PRUNE2: variants seen among roughly 807,000 people sequenced by gnomAD.
The protein encoded by PRUNE2 is protein prune homolog 2.
In PRUNE2, 164 loss-of-function variants were observed where a neutral mutation model predicts 252.0. The observed-to-expected ratio is 0.65, with a 90% confidence interval of 0.57 to 0.74. PRUNE2 has a LOEUF of 0.74. Among genes scored for constraint, PRUNE2 ranks in the 30% least tolerant of loss-of-function variants. The pLI is 0.00. For missense variants in PRUNE2, 3,495 were observed against 3,711.0 expected (o/e 0.94, Z 1.51); for synonymous variants, 1,292 against 1,350.2 (o/e 0.96, Z 0.94).
chr9:76,750,772 C>T (rs2050541237), intron 6 of PRUNE2, among the ~76,000 whole-genome samples: 1 of 152,140 alleles, frequency 6.6e-6, no homozygotes, highest in Non-Finnish European at 1.5e-5. Flanking sequence ...GTTTGAGGCG[C>T]TTGTATGAAA....
chr9:76,681,450 TAA>T (rs3048258), intron 9 of PRUNE2, among the ~76,000 whole-genome samples: 69 of 132,756 alleles, frequency 5.2e-4, no homozygotes, highest in Admixed American at 1.1e-3. Flanking sequence ...TTACCACGAT[TAA>T]AAAAAAAAAA....
At chr9:76,651,493 A>G (rs186628593) in intron 11 of PRUNE2, among the ~76,000 whole-genome samples, 77 of 152,346 alleles carry the variant, frequency 5.1e-4, no homozygotes, top group Non-Finnish European at 8.1e-4. Context: ...GTGAATTTTA[A>G]AAATGAATAA....
rs1025798755 is a variant in PRUNE2 at position 76,758,252 on chromosome 9, G to C, written c.757-44531C>G. On this transcript the variant is annotated intron_variant, in intron 6 of 18. Transcript: ENST00000376718. Reference sequence around the variant, plus strand: ...TGAGGCTTTTGGGACCAACTGTGTAGAACTTAAATAAATGCAAACTTGGTG... The same window carrying C: ...TGAGGCTTTTGGGACCAACTGTGTACAACTTAAATAAATGCAAACTTGGTG... Among the ~76,000 whole-genome samples the C allele has an allele frequency of 2.0e-5, 3 of 152,150 alleles. No individual in the cohort carries two copies. The East Asian group carries it at 5.8e-4, about 29-fold the overall frequency.
At chr9:76,867,026 T>G (rs1307026868) in intron 1 of PRUNE2, among the ~76,000 whole-genome samples, 2 of 152,160 alleles carry the variant, frequency 1.3e-5, no homozygotes, top group African/African-American at 4.8e-5. Flanking sequence ...AACCAAATAT[T>G]TGCTGAAAGA....
In PRUNE2 at chr9:76,625,764, T is replaced by G. The variant is rs185600677; in HGVS notation, c.9150-1274A>C. Among the ~76,000 whole-genome samples the G allele has an allele frequency of 1.7e-4, 26 of 152,310 alleles. No individual in the cohort carries two copies. The East Asian group carries it at 3.3e-3, about 19-fold the overall frequency. ...GTTGCCACCTGGCAATGTGTGAGGC[T>G]CTGTCTTCTTGTTTCATACTGTAAA... On this transcript the variant is annotated intron_variant, in intron 16 of 18. Coordinates refer to ENST00000376718, the MANE Select transcript of PRUNE2 (RefSeq NM_015225.3).
rs750266567 is a variant in PRUNE2, at chr9:76,710,578, G to A, written c.1696C>T (p.His566Tyr). Residue 566 changes from histidine to tyrosine, a missense_variant, in exon 8 of 19, where the codon CAT (histidine) becomes TAT (tyrosine). Coordinates refer to ENST00000376718, the MANE Select transcript of PRUNE2 (RefSeq NM_015225.3). The stretch of plus-strand genomic sequence containing the variant: ...TGTCTCTGGACAAACTCCTCATCAT[G>A]TTCCACAAGGCTATCTTTGCCAGCC... ...SGAGKDSLVE[H>Y]DEEFVQRQDS... The A allele has an allele frequency of 2.5e-6, 4 of 1,613,682 alleles. No individual in the cohort carries two copies. Among genetic ancestry groups the A allele is most frequent in the Admixed American group, 3.3e-5 (2 of 59,966 alleles).
intron 1 of PRUNE2, among the ~76,000 whole-genome samples, chr9:76,885,845 G>GA (rs2133380431): frequency 8.2e-6 from 1 of 122,018 alleles, no homozygotes; most frequent in African/African-American, 3.1e-5. Context: ...ATTATTTAGT[G>GA]AATTTTTTTT....
chr9:76,787,515 C>A (rs1316022904), intron 6 of PRUNE2: 1 of 152,052 alleles, frequency 6.6e-6, no homozygotes, highest in Non-Finnish European at 1.5e-5. Flanking sequence ...TGTAACAAAC[C>A]TACACATTCT....
At chr9:76,624,614 T>C in intron 16 of PRUNE2, 124 bp from the exon 17 acceptor site, 1 of 562,554 alleles carries the variant, frequency 1.8e-6, no homozygotes, top group Non-Finnish European at 2.9e-6. Context: ...GAAACTGTCT[T>C]CTGGAGCCCT....
At chr9:76,747,729 C>A (rs948820751) in intron 6 of PRUNE2, among the ~76,000 whole-genome samples, 1 of 152,114 alleles carries the variant, frequency 6.6e-6, no homozygotes, top group South Asian at 2.1e-4. Flanking sequence ...ACAAATCCCA[C>A]TGTGGCAGTT....
At chr9:76,772,859 C>T (rs143767135) in intron 6 of PRUNE2, among the ~76,000 whole-genome samples, 13 of 152,258 alleles carry the variant, frequency 8.5e-5, no homozygotes, top group African/African-American at 3.1e-4. Context: ...GCCACTGTAC[C>T]CAGCCTGACT....
intron 2 of PRUNE2, among the ~76,000 whole-genome samples, chr9:76,852,802 GTCTGTCTATCTATCTATCTATCTA>G (rs1312246699): frequency 7.7e-4 from 116 of 150,486 alleles, no homozygotes; most frequent in African/African-American, 9.7e-4. Context: ...CCATCTGTCT[GTCTGTCTATCTATCTATCTATCTA>G]TCTATCTATC....
intron 1 of PRUNE2, among the ~76,000 whole-genome samples, chr9:76,860,169 C>G (rs181423452): frequency 6.6e-6 from 1 of 152,214 alleles, no homozygotes; most frequent in East Asian, 1.9e-4. Flanking sequence ...TGCCAAAATG[C>G]CAAATCTGAA....
chr9:76,763,674 G>T (rs76523068), intron 6 of PRUNE2, among the ~76,000 whole-genome samples: 2 of 152,272 alleles, frequency 1.3e-5, no homozygotes, highest in South Asian at 4.1e-4. Context: ...TAAAAGCCAC[G>T]TTGGTGGATA....
At position 76,612,634 on chromosome 9, in the gene PRUNE2, A is replaced by G. The variant is rs1279887647; in HGVS notation, c.*1936T>C. On this transcript the variant is annotated 3_prime_UTR_variant, in exon 19 of 19. Coordinates refer to ENST00000376718, the MANE Select transcript of PRUNE2 (RefSeq NM_015225.3). ...CTGTCCAACAAGCCAGATGTTATGA[A>G]GGAGGAGATCCAACAGAACATACAA... The G allele has an allele frequency of 6.6e-6, 1 of 152,336 alleles. No individual in the cohort carries two copies. The highest frequency in any genetic ancestry group is 2.4e-5 in the African/African-American group (1 of 41,558). 9.4% of individuals were successfully genotyped at this position (152,336 alleles called of 1,614,324 possible).
intron 12 of PRUNE2, among the ~76,000 whole-genome samples, chr9:76,641,737 ACC>A (rs9314851): frequency 0.51 from 77,137 of 151,602 alleles, 19,938 homozygotes; most frequent in Middle Eastern, 0.65. Flanking sequence ...TGCATGAGCA[ACC>A]CCCCCCCAGG....
At chr9:76,807,080 CTT>C (rs1335489238) in intron 6 of PRUNE2, among the ~76,000 whole-genome samples, 1 of 151,154 alleles carries the variant, frequency 6.6e-6, no homozygotes, top group Non-Finnish European at 1.5e-5. Context: ...GTCTCTCTCT[CTT>C]AGACAGGGTC....
chr9:76,883,224 C>G (rs2061893683), intron 1 of PRUNE2, among the ~76,000 whole-genome samples: 1 of 152,118 alleles, frequency 6.6e-6, no homozygotes, highest in Admixed American at 6.5e-5. Flanking sequence ...ATACAGAAAG[C>G]CAGTGTCAGT....
intron 6 of PRUNE2, among the ~76,000 whole-genome samples, chr9:76,714,584 G>A (rs890593945): frequency 6.6e-5 from 10 of 152,070 alleles, no homozygotes; most frequent in Admixed American, 2.6e-4. Context: ...TTTTGTAGGC[G>A]TCAGGTTCTG....
Sources: allele counts gnomAD v4.1 joint callset (sites outside exome capture counted in the v4.1 genomes callset), GRCh38; gene constraint gnomAD v4.1.1; transcripts MANE v1.5; gene names NCBI Gene and HGNC (gene_info 2026-07-23, HGNC 2026-07-21).